The following RAD9B variants were observed in gnomAD, a reference collection of about 807,000 sequenced individuals.
RAD9B encodes the protein cell cycle checkpoint control protein RAD9B.
In RAD9B, 41 loss-of-function variants were observed where a neutral mutation model predicts 48.3. The ratio of observed to expected loss-of-function variants is 0.85; its 90% CI spans 0.66 to 1.10. RAD9B has a LOEUF of 1.10. Among genes scored for constraint, RAD9B ranks in the 50% least tolerant of loss-of-function variants. The probability of loss-of-function intolerance (pLI) is 0.00; values close to 1 mark genes in which losing one functional copy is unlikely to be tolerated. For synonymous variants in RAD9B, 160 were observed against 157.9 expected, an observed-to-expected ratio of 1.01 and a Z score of -0.10; for missense variants, 444 against 485.1, an observed-to-expected ratio of 0.92 and a Z score of 0.80.
At chr12:110,506,901 G>T (rs1048282610) in intron 4 of RAD9B, among the ~76,000 whole-genome samples, 1 of 150,530 alleles carries the variant, frequency 6.6e-6, no homozygotes, top group Non-Finnish European at 1.5e-5. Flanking sequence ...GTGCAATGCC[G>T]CCATCTCAGC....
intron 9 of RAD9B, among the ~76,000 whole-genome samples, chr12:110,520,947 C>CT (rs983803846): frequency 4.6e-5 from 7 of 151,778 alleles, no homozygotes; most frequent in Non-Finnish European, 8.8e-5. Context: ...CTGCGCCTGG[C>CT]TTTTTTTTCT....
At chr12:110,502,539 A>G in intron 1 of RAD9B, 156 bp downstream of exon 1, 1 of 771,408 alleles carries the variant, frequency 1.3e-6, no homozygotes, top group Non-Finnish European at 2.1e-6. Flanking sequence ...GTCCCTGTTA[A>G]CTTCTGAGGG....
chr12:110,505,125 G>A (rs2063224564), intron 2 of RAD9B, among the ~76,000 whole-genome samples: 1 of 151,944 alleles, frequency 6.6e-6, no homozygotes, highest in Non-Finnish European at 1.5e-5. Context: ...ATACATATAT[G>A]TATACACCTA....
chr12:110,519,955 GC>G (rs1565894771), intron 9 of RAD9B, 39 bp downstream of exon 9: 10 of 1,588,420 alleles, frequency 6.3e-6, no homozygotes, highest in Non-Finnish European at 8.6e-6. Context: ...CTTGGGACAA[GC>G]CATCATAATC....
At chr12:110,507,376 A>G (rs998427450) in intron 4 of RAD9B, among the ~76,000 whole-genome samples, 8 of 143,204 alleles carry the variant, frequency 5.6e-5, no homozygotes, top group Non-Finnish European at 9.1e-5. Context: ...TATATATAAT[A>G]TATGTATTAT....
intron 4 of RAD9B, among the ~76,000 whole-genome samples, chr12:110,507,007 T>C (rs1176727590): frequency 3.9e-5 from 6 of 151,948 alleles, no homozygotes; most frequent in Admixed American, 3.9e-4. Flanking sequence ...GCCCAGCTAA[T>C]TTTTGTATTT....
At chr12:110,510,116 A>G (rs1197732680) in intron 4 of RAD9B, among the ~76,000 whole-genome samples, 1 of 152,166 alleles carries the variant, frequency 6.6e-6, no homozygotes, top group Admixed American at 6.5e-5. Context: ...GTAAAAGCCA[A>G]AGATCTCAGA....
At position 110,525,179 on chromosome 12, in the gene RAD9B, C is replaced by T. The variant is rs555874652; in HGVS notation, c.1125+2768C>T. Among the ~76,000 whole-genome samples the T allele has an allele frequency of 1.2e-4, 18 of 151,814 alleles. No homozygotes were observed. In the East Asian group the frequency reaches 3.2e-3, roughly 27 times the overall value. On this transcript the variant is annotated intron_variant, in intron 10 of 10. Transcript: ENST00000409300. ...TTTTTTGTATTTTTTTTAGTAGAGACGGGGTTTTACCATGTTGGCCAGGAT... is the reference window on the plus strand; with the variant it reads ...TTTTTTGTATTTTTTTTAGTAGAGATGGGGTTTTACCATGTTGGCCAGGAT...
chr12:110,514,976 G>A, intron 5 of RAD9B, 74 bp from the exon 6 acceptor site: 1 of 849,584 alleles, frequency 1.2e-6, no homozygotes, highest in Admixed American at 3.0e-5. Context: ...TTAGAGATTT[G>A]AGTCCCAGTT....
At chr12:110,526,579 T>G (rs1283688558) in intron 10 of RAD9B, among the ~76,000 whole-genome samples, 1 of 152,196 alleles carries the variant, frequency 6.6e-6, no homozygotes, top group Non-Finnish European at 1.5e-5. Flanking sequence ...GTTCTTGACC[T>G]TGGTGAAGAC....
At chr12:110,506,225 G>A (rs1330107101) in intron 3 of RAD9B, among the ~76,000 whole-genome samples, 2 of 133,492 alleles carry the variant, frequency 1.5e-5, no homozygotes, top group Middle Eastern at 6.5e-3. Flanking sequence ...GTCTCGCTTT[G>A]TCGCCCAGGC....
At chr12:110,510,210 T>C (rs1342677283) in intron 4 of RAD9B, among the ~76,000 whole-genome samples, 1 of 152,192 alleles carries the variant, frequency 6.6e-6, no homozygotes, top group African/African-American at 2.4e-5. Context: ...GCCTACTGTT[T>C]TATTCATTTA....
intron 5 of RAD9B, among the ~76,000 whole-genome samples, chr12:110,513,717 TA>T (rs1436855779): frequency 1.4e-3 from 202 of 146,906 alleles, no homozygotes; most frequent in African/African-American, 4.8e-3. Flanking sequence ...TTATTATTAT[TA>T]TTATTATTAT....
chr12:110,503,200 C>T (rs990907387), intron 1 of RAD9B: 1 of 152,556 alleles, frequency 6.6e-6, no homozygotes, highest in Non-Finnish European at 1.5e-5. Context: ...GAGTTGAGCT[C>T]GTGCCACTGC....
intron 6 of RAD9B, among the ~76,000 whole-genome samples, chr12:110,515,619 C>T (rs1565889082): frequency 6.6e-6 from 1 of 152,148 alleles, no homozygotes; most frequent in Admixed American, 6.5e-5. Context: ...CAAGATTGCA[C>T]CATTGCACTC....
At position 110,522,392 on chromosome 12, in the gene RAD9B, G is replaced by C. The variant is rs763267676; in HGVS notation, c.1106G>C (p.Gly369Ala). 6.2e-7 allele frequency: 1 copy of C among 1,608,984 alleles called. No individual in the cohort carries two copies. Among genetic ancestry groups the C allele is most frequent in the East Asian group, 2.2e-5 (1 of 44,804 alleles). ...GTCAGCAACACAGAGGAAGTGCCAG[G>C]GTCTCTGTGTCTCAGAAAGGTAAAA... ...SSVSNTEEVP[G>A]SLCLRKFSCM... is the part of the protein sequence containing the mutation. The change falls in exon 10 of 11, where the codon GGG becomes GCG. Residue 369 changes from glycine to alanine, a missense_variant. By Grantham distance (60) the Gly-to-Ala change is moderately conservative (BLOSUM62 0). Transcript: ENST00000409300.
In RAD9B at chr12:110,515,062, T is replaced by G. The variant is rs142286458; in HGVS notation, c.501T>G (p.Asp167Glu). ...TTACATTTTATAGATTGCTTGCTGA[T>G]GCCATTGTTCTTTTTACATCAAGTC... ...TLMIQPRLLA[D>E]AIVLFTSSQE... Residue 167 changes from aspartate to glutamate, a missense_variant, in exon 6 of 11, where the codon GAT becomes GAG. Physicochemically the swap from Asp to Glu is conservative, Grantham distance 45. Coordinates refer to ENST00000409300, the MANE Select transcript of RAD9B (RefSeq NM_001286535.2). The G allele has an allele frequency of 4.5e-4, 694 of 1,550,598 alleles. 5 individuals carry two copies. Among genetic ancestry groups the G allele is most frequent in the Middle Eastern group, 1.5e-3 (9 of 5,978 alleles).
chr12:110,515,417 T>C (rs1055845433), intron 6 of RAD9B, among the ~76,000 whole-genome samples: 2 of 152,156 alleles, frequency 1.3e-5, no homozygotes, highest in African/African-American at 4.8e-5. Flanking sequence ...TCCCAGCATT[T>C]TGGGAGGCTG....
rs183081275 is a variant in RAD9B, at chr12:110,507,455, G to A, written c.388+762G>A. On this transcript the variant is annotated intron_variant, in intron 4 of 10. Coordinates refer to ENST00000409300, the MANE Select transcript of RAD9B (RefSeq NM_001286535.2). ...ATGTATTAAATATAATATATAACAC[G>A]TATTAAGTATAATATATATGTATTA... Among the ~76,000 whole-genome samples, 1,080 of 120,996 alleles carry A rather than the reference G, an allele frequency of 8.9e-3. 11 individuals are homozygous for A. The highest frequency in any genetic ancestry group is 0.022 in the African/African-American group (705 of 32,320). The allele number at this position is 120,996 out of a possible 152,430, so 79.4% of individuals were successfully genotyped here. A position where few individuals can be genotyped will look rare whatever the true frequency, so the allele number is the denominator to read the frequency against.
Sources: allele counts gnomAD v4.1 joint callset (sites outside exome capture counted in the v4.1 genomes callset), GRCh38; gene constraint gnomAD v4.1.1; transcripts MANE v1.5; gene names NCBI Gene and HGNC (gene_info 2026-07-23, HGNC 2026-07-21).